Variants in PARVA observed in about 807,000 individuals in gnomAD.
The protein encoded by PARVA is parvin alpha.
A neutral mutation model predicts 52.6 loss-of-function variants in PARVA; 25 were observed. The ratio of observed to expected loss-of-function variants is 0.48; its 90% CI spans 0.35 to 0.66. The LOEUF (loss-of-function observed/expected upper bound fraction) is 0.66, where lower values mean the gene tolerates loss of function less well. Ranked by LOEUF, PARVA falls within the 30% of genes least tolerant of loss-of-function variation. The pLI is 0.01. For missense variants in PARVA, 373 were observed against 450.9 expected (o/e 0.83, Z 1.56); for synonymous variants, 185 against 179.1 (o/e 1.03, Z -0.26).
rs536802624 is a variant in PARVA at position 12,532,530 on chromosome 11, C to T, written c.*4605C>T. 6.6e-6 allele frequency among the ~76,000 whole-genome samples: 1 copy of T among 152,152 alleles called. No individual in the cohort carries two copies. Reference sequence around the variant, plus strand: ...CAAGTATGTGTTGAGTGCAGCATGTCCAAGGGTGAGTGAGAGATTATAGCT... The same window carrying T: ...CAAGTATGTGTTGAGTGCAGCATGTTCAAGGGTGAGTGAGAGATTATAGCT... On this transcript the variant is annotated 3_prime_UTR_variant, in exon 13 of 13. Transcript: ENST00000334956.
chr11:12,461,840 C>G (rs1398440446), intron 1 of PARVA, among the ~76,000 whole-genome samples: 2 of 152,180 alleles, frequency 1.3e-5, no homozygotes, highest in Non-Finnish European at 2.9e-5. Context: ...AACACCGCCT[C>G]TAAGTTCTCT....
At chr11:12,409,095 A>C (rs1939955567) in intron 1 of PARVA, among the ~76,000 whole-genome samples, 1 of 152,170 alleles carries the variant, frequency 6.6e-6, no homozygotes, top group Admixed American at 6.6e-5. Flanking sequence ...AAGCCTATGA[A>C]TTTTCCTAAG....
intron 1 of PARVA, among the ~76,000 whole-genome samples, chr11:12,444,687 C>G (rs1018311692): frequency 6.6e-6 from 1 of 152,166 alleles, no homozygotes; most frequent in Non-Finnish European, 1.5e-5. Flanking sequence ...CTCAGCCTCC[C>G]AACCAGTTTA....
chr11:12,443,926 A>G (rs1316100183), intron 1 of PARVA, among the ~76,000 whole-genome samples: 3 of 152,076 alleles, frequency 2.0e-5, no homozygotes, highest in East Asian at 1.9e-4. Context: ...CTGTGCTCCC[A>G]TTTTACTGCC....
At chr11:12,519,439 G>A (rs1319226451) in intron 12 of PARVA, among the ~76,000 whole-genome samples, 1 of 152,166 alleles carries the variant, frequency 6.6e-6, no homozygotes, top group Non-Finnish European at 1.5e-5. Flanking sequence ...CAAGGCACGT[G>A]TAGCCAACCA....
intron 5 of PARVA, among the ~76,000 whole-genome samples, chr11:12,502,275 C>A (rs1564864287): frequency 6.6e-6 from 1 of 152,182 alleles, no homozygotes; most frequent in East Asian, 1.9e-4. Context: ...TAATGAGTTA[C>A]AAAGGAATGT....
At chr11:12,463,394 A>G (rs1940810473) in intron 1 of PARVA, among the ~76,000 whole-genome samples, 1 of 151,974 alleles carries the variant, frequency 6.6e-6, no homozygotes, top group South Asian at 2.1e-4. Flanking sequence ...TGACTTTGAC[A>G]GTTTTGAGGA....
rs1941772886 is a variant in PARVA, at chr11:12,531,567, A to ATGGAGTCGGTAGGTGAAACAGTTTT, written c.*3643_*3667dup. Reference sequence around the variant, plus strand: ...TTTTTCCACTGGAAAATAAGACTAGATGGAGTCGGTAGGTGAAACAGTTTT... The same window carrying ATGGAGTCGGTAGGTGAAACAGTTTT: ...TTTTTCCACTGGAAAATAAGACTAGATGGAGTCGGTAGGTGAAACAGTTTTTGGAGTCGGTAGGTGAAACAGTTTT... On this transcript the variant is annotated 3_prime_UTR_variant, in exon 13 of 13. Coordinates refer to ENST00000334956, the MANE Select transcript of PARVA (RefSeq NM_018222.5). Among the ~76,000 whole-genome samples, 2 of 152,058 alleles carry ATGGAGTCGGTAGGTGAAACAGTTTT rather than the reference A, an allele frequency of 1.3e-5. No homozygotes were observed. Among genetic ancestry groups the ATGGAGTCGGTAGGTGAAACAGTTTT allele is most frequent in the African/African-American group, 2.4e-5 (1 of 41,398 alleles).
At chr11:12,393,045 A>G (rs892903888) in intron 1 of PARVA, among the ~76,000 whole-genome samples, 8 of 70,684 alleles carry the variant, frequency 1.1e-4, no homozygotes, top group African/African-American at 5.9e-4. Context: ...CCAAATTGTG[A>G]AAAAAAAAAA....
intron 4 of PARVA, among the ~76,000 whole-genome samples, chr11:12,482,434 G>C (rs1333034629): frequency 1.3e-5 from 2 of 152,066 alleles, no homozygotes; most frequent in African/African-American, 2.4e-5. Flanking sequence ...AGACCAGCCT[G>C]ACCAACATGG....
chr11:12,490,213 C>A (rs1789490878), intron 4 of PARVA, among the ~76,000 whole-genome samples: 1 of 70,274 alleles, frequency 1.4e-5, no homozygotes, highest in Non-Finnish European at 3.6e-5. Context: ...GAGACTCAGT[C>A]TCAAAAAAAA....
intron 4 of PARVA, among the ~76,000 whole-genome samples, chr11:12,481,200 T>A (rs934418079): frequency 1.3e-5 from 2 of 152,254 alleles, no homozygotes; most frequent in African/African-American, 4.8e-5. Context: ...GGTAGTGTTC[T>A]AGCAGAGATG....
chr11:12,424,582 T>C (rs1009379009), intron 1 of PARVA, among the ~76,000 whole-genome samples: 2 of 152,236 alleles, frequency 1.3e-5, no homozygotes, highest in African/African-American at 4.8e-5. Flanking sequence ...AACTAGTTGC[T>C]ACCAATACTA....
chr11:12,433,107 C>T (rs1344575378), intron 1 of PARVA, among the ~76,000 whole-genome samples: 2 of 152,194 alleles, frequency 1.3e-5, no homozygotes, highest in African/African-American at 4.8e-5. Flanking sequence ...ACCTCTAGGT[C>T]AAATGCTAAA....
chr11:12,439,421 T>C lies in PARVA; in HGVS notation c.137-34324T>C, dbSNP rs957374606. Among the ~76,000 whole-genome samples the C allele has an allele frequency of 1.4e-4, 21 of 152,358 alleles. No individual in the cohort carries two copies. In the South Asian group the frequency reaches 1.5e-3, roughly 11 times the overall value. On this transcript the variant is annotated intron_variant, in intron 1 of 12. Coordinates refer to ENST00000334956, the MANE Select transcript of PARVA (RefSeq NM_018222.5). ...TGCCCGTTTGATTCAGTCCTCCAGC[T>C]TGAATCAAAGATGGTTGAGACATTA...
intron 1 of PARVA, among the ~76,000 whole-genome samples, chr11:12,449,151 T>TTTTTA (rs1383330390): frequency 1.3e-5 from 2 of 151,922 alleles, no homozygotes; most frequent in Admixed American, 6.5e-5. Context: ...TATTTATTTA[T>TTTTTA]TTTTATTTTA....
intron 1 of PARVA, among the ~76,000 whole-genome samples, chr11:12,450,148 T>A (rs1045612835): frequency 2.0e-5 from 3 of 152,208 alleles, no homozygotes; most frequent in Non-Finnish European, 2.9e-5. Context: ...GTCACACATC[T>A]GGTAACAGCT....
chr11:12,403,839 C>A (rs1468398689), intron 1 of PARVA, among the ~76,000 whole-genome samples: 2 of 152,228 alleles, frequency 1.3e-5, no homozygotes, highest in Admixed American at 6.5e-5. Flanking sequence ...TTACACCTTG[C>A]ACCTTGCACT....
At chr11:12,496,363 A>AGTGCATGCATGCATGG in intron 4 of PARVA, 95 bp from the exon 5 acceptor site, 1 of 1,250,900 alleles carries the variant, frequency 8.0e-7, no homozygotes, top group Non-Finnish European at 1.1e-6. Context: ...TGCATGCATG[A>AGTGCATGCATGCATGG]GTGCATGAGA....
Sources: gnomAD v4.1 joint callset for allele counts (sites outside exome capture counted in the v4.1 genomes callset) on GRCh38, gnomAD v4.1.1 for gene constraint, MANE v1.5 for transcripts, NCBI Gene and HGNC (gene_info 2026-07-23, HGNC 2026-07-21) for gene names.